LINGO2: variants seen among roughly 807,000 people sequenced by gnomAD.
LINGO2 encodes leucine rich repeat and Ig domain containing 2.
A neutral mutation model predicts 30.6 loss-of-function variants in LINGO2; 14 were observed. That is an observed-to-expected ratio of 0.46 (90% CI 0.30 to 0.72). The LOEUF is 0.72. LINGO2 is among the 30% of genes least tolerant of loss of function. The pLI is 0.07. For missense variants in LINGO2, 729 were observed against 751.7 expected (o/e 0.97, Z 0.35); for synonymous variants, 317 against 288.5 (o/e 1.10, Z -1.00).
intron 1 of LINGO2, among the ~76,000 whole-genome samples, chr9:28,513,176 A>T (rs1014857072): frequency 6.6e-6 from 1 of 152,128 alleles, no homozygotes; most frequent in East Asian, 1.9e-4. Context: ...TGCAACAAAC[A>T]GGCAAAAAAA....
At chr9:28,911,860 C>T in the LINGO2 span, among the ~76,000 whole-genome samples, 5 of 152,056 alleles carry the variant, frequency 3.3e-5, no homozygotes, top group African/African-American at 1.2e-4. Context: ...CCAAGTAATT[C>T]TCTCATGTTA....
At chr9:29,119,148 T>C in the LINGO2 span, among the ~76,000 whole-genome samples, 1 of 152,098 alleles carries the variant, frequency 6.6e-6, no homozygotes, top group Non-Finnish European at 1.5e-5. Context: ...GGGAAAGCCA[T>C]AACAATCAGC....
chr9:28,686,300 T>C, the LINGO2 span, among the ~76,000 whole-genome samples: 1 of 152,086 alleles, frequency 6.6e-6, no homozygotes, highest in African/African-American at 2.4e-5. Flanking sequence ...TATTTCAAAA[T>C]TAAACAACTG....
At chr9:28,271,832 C>T (rs1822951039) in intron 4 of LINGO2, among the ~76,000 whole-genome samples, 1 of 152,176 alleles carries the variant, frequency 6.6e-6, no homozygotes, top group African/African-American at 2.4e-5. Flanking sequence ...TGGTTAGCAT[C>T]ATTTCTGTGA....
chr9:28,029,437 C>T (rs575730554), intron 4 of LINGO2, among the ~76,000 whole-genome samples: 36 of 152,154 alleles, frequency 2.4e-4, no homozygotes, highest in African/African-American at 6.7e-4. Flanking sequence ...GAAAGGAGAA[C>T]GAAGATGCAA....
intron 3 of LINGO2, among the ~76,000 whole-genome samples, chr9:28,353,965 G>A (rs947194308): frequency 2.6e-5 from 4 of 152,072 alleles, no homozygotes; most frequent in African/African-American, 9.7e-5. Flanking sequence ...AGATCACATG[G>A]ACACAGGAAG....
Position 28,365,942 on chromosome 9 carries a change from C to A in LINGO2, c.-246+6894G>T, listed in dbSNP as rs137957353. On this transcript the variant is annotated intron_variant, in intron 3 of 5. Coordinates refer to ENST00000379992, the Ensembl canonical transcript of LINGO2. ...AGGATGGAGTTCATAGTAAAGCAAG[C>A]CCTGAGTCAGGAGTCAGTCCTTTCC... is the stretch of plus-strand genomic sequence containing the variant. 2.1e-3 allele frequency among the ~76,000 whole-genome samples: 312 copies of A among 152,160 alleles called. 1 individual carries two copies. The highest frequency in any genetic ancestry group is 0.01 in the Middle Eastern group (3 of 294).
At chr9:28,848,072 A>ATATACACTATATATAGTGTATATATATAT in the LINGO2 span, among the ~76,000 whole-genome samples, 7 of 47,868 alleles carry the variant, frequency 1.5e-4, no homozygotes, top group African/African-American at 7.6e-4. Context: ...TGTATATAAT[A>ATATACACTATATATAGTGTATATATATAT]TATATATACA....
chr9:28,064,298 C>G (rs1825243555), intron 4 of LINGO2, among the ~76,000 whole-genome samples: 1 of 152,078 alleles, frequency 6.6e-6, no homozygotes. Flanking sequence ...AGGTTGTACC[C>G]ATTCAACCTG....
At chr9:28,650,197 C>T (rs1554650624) in intron 1 of LINGO2, among the ~76,000 whole-genome samples, 1 of 152,108 alleles carries the variant, frequency 6.6e-6, no homozygotes, top group Non-Finnish European at 1.5e-5. Flanking sequence ...AGTGTTACAA[C>T]TCTCAAAACA....
the LINGO2 span, among the ~76,000 whole-genome samples, chr9:29,089,385 A>G: frequency 6.6e-6 from 1 of 151,970 alleles, no homozygotes; most frequent in African/African-American, 2.4e-5. Flanking sequence ...ACAGCTATGC[A>G]GTAGTAGTAA....
intron 3 of LINGO2, among the ~76,000 whole-genome samples, chr9:28,309,447 G>T (rs1357890520): frequency 6.6e-6 from 1 of 151,206 alleles, no homozygotes; most frequent in Admixed American, 6.6e-5. Flanking sequence ...TGGCGGGAGG[G>T]GGGAGGGATA....
the LINGO2 span, among the ~76,000 whole-genome samples, chr9:28,785,686 G>A: frequency 0.1 from 12,563 of 125,824 alleles, 1,515 homozygotes; most frequent in African/African-American, 0.29. Context: ...ACACACACAC[G>A]CACACACACA....
At chr9:28,520,798 A>C (rs1412665364) in intron 1 of LINGO2, among the ~76,000 whole-genome samples, 3 of 152,232 alleles carry the variant, frequency 2.0e-5, no homozygotes, top group Non-Finnish European at 4.4e-5. Flanking sequence ...TTTAGTAACA[A>C]AAAGCATGAA....
chr9:28,167,588 C>T (rs1016027516), intron 4 of LINGO2, among the ~76,000 whole-genome samples: 1 of 152,136 alleles, frequency 6.6e-6, no homozygotes, highest in African/African-American at 2.4e-5. Context: ...GGTTTTGCCA[C>T]GTTGGCCAGG....
At chr9:28,069,211 A>G (rs1054434225) in intron 4 of LINGO2, among the ~76,000 whole-genome samples, 12 of 152,146 alleles carry the variant, frequency 7.9e-5, no homozygotes, top group Non-Finnish European at 1.5e-4. Flanking sequence ...AAAGAAAAAG[A>G]GAGATTAAGG....
chr9:28,000,062 T>C (rs1012086139), intron 5 of LINGO2, among the ~76,000 whole-genome samples: 2 of 152,192 alleles, frequency 1.3e-5, no homozygotes, highest in East Asian at 3.9e-4. Flanking sequence ...GCAACAATGA[T>C]GTGACATTGA....
At chr9:28,529,131 C>G (rs1319073228) in intron 1 of LINGO2, among the ~76,000 whole-genome samples, 1 of 152,098 alleles carries the variant, frequency 6.6e-6, no homozygotes, top group Non-Finnish European at 1.5e-5. Context: ...CTGGGAACTA[C>G]AGAGACCATA....
At chr9:28,496,840 G>T (rs1189620686) in intron 1 of LINGO2, among the ~76,000 whole-genome samples, 22 of 151,832 alleles carry the variant, frequency 1.4e-4, no homozygotes, top group South Asian at 2.1e-4. Flanking sequence ...AGGAGCTCTT[G>T]TAGGGCAGGC....
Sources: gnomAD v4.1 joint callset for allele counts (sites outside exome capture counted in the v4.1 genomes callset) on GRCh38, gnomAD v4.1.1 for gene constraint, MANE v1.5 for transcripts, NCBI Gene and HGNC (gene_info 2026-07-23, HGNC 2026-07-21) for gene names.